The following IL1RAPL2 variants were observed in gnomAD, a reference collection of about 807,000 sequenced individuals.
IL1RAPL2 encodes interleukin 1 receptor accessory protein like 2.
Under a neutral mutation model 44.1 loss-of-function variants are expected in IL1RAPL2, and 3 were observed. That is an observed-to-expected ratio of 0.07 (90% confidence interval 0.03 to 0.18). The LOEUF (loss-of-function observed/expected upper bound fraction) is 0.18. IL1RAPL2 is among the 10% of genes least tolerant of loss of function. The probability of loss-of-function intolerance (pLI) is 1.00; values close to 1 mark genes in which losing one functional copy is unlikely to be tolerated. For missense variants in IL1RAPL2, 391 were observed against 496.4 expected (o/e 0.79, Z 2.02); for synonymous variants, 181 against 178.8 (o/e 1.01, Z -0.10).
At chrX:105,541,604 T>G (rs1470320296) in intron 6 of IL1RAPL2, among the ~76,000 whole-genome samples, 1 of 110,816 alleles carries the variant, frequency 9.0e-6, no homozygotes, top group African/African-American at 3.3e-5. Flanking sequence ...TAAGAGATTA[T>G]CAAATCCTCC....
chrX:104,859,299 G>A (rs1402986602), intron 2 of IL1RAPL2, among the ~76,000 whole-genome samples: 1 of 111,430 alleles, frequency 9.0e-6, no homozygotes, highest in Non-Finnish European at 1.9e-5. Flanking sequence ...TGCTGAAAGG[G>A]ACATAAAACA....
At chrX:105,070,249 G>C (rs1226807114) in intron 2 of IL1RAPL2, among the ~76,000 whole-genome samples, 1 of 111,638 alleles carries the variant, frequency 9.0e-6, no homozygotes, top group East Asian at 2.8e-4. Context: ...AATCCCTTAA[G>C]TGAAGATATT....
At chrX:104,736,318 T>A (rs1470677398) in intron 2 of IL1RAPL2, among the ~76,000 whole-genome samples, 4 of 112,242 alleles carry the variant, frequency 3.6e-5, no homozygotes, top group Non-Finnish European at 7.5e-5. Flanking sequence ...AAGGCAGTGC[T>A]CATATCTCAT....
chrX:104,647,417 C>G, intron 1 of IL1RAPL2: 1 of 590,487 alleles, frequency 1.7e-6, no homozygotes, highest in Non-Finnish European at 2.9e-6. Flanking sequence ...AAATCTGGCC[C>G]TCTCTGCTTC....
intron 5 of IL1RAPL2, among the ~76,000 whole-genome samples, chrX:105,346,938 A>G (rs920375553): frequency 8.9e-6 from 1 of 112,237 alleles, no homozygotes; most frequent in Non-Finnish European, 1.9e-5. Context: ...GATATAACAC[A>G]TAGATTGTCC....
chrX:105,326,944 A>G (rs1309010622), intron 5 of IL1RAPL2, among the ~76,000 whole-genome samples: 1 of 111,780 alleles, frequency 8.9e-6, no homozygotes, highest in African/African-American at 3.3e-5. Context: ...TCTGTGTGAG[A>G]AAAAATGGAA....
intron 2 of IL1RAPL2, among the ~76,000 whole-genome samples, chrX:105,042,149 T>C (rs1487744784): frequency 9.0e-6 from 1 of 111,050 alleles, no homozygotes; most frequent in Non-Finnish European, 1.9e-5. Flanking sequence ...GGCAATACCA[T>C]TCAGGACATA....
intron 2 of IL1RAPL2, among the ~76,000 whole-genome samples, chrX:105,188,393 A>G (rs146599037): frequency 0.013 from 1,464 of 111,533 alleles, 28 homozygotes; most frequent in African/African-American, 0.046. Context: ...TGTCTTGGCT[A>G]GTGTCTAATT....
chrX:105,537,055 A>AT (rs768568406), intron 6 of IL1RAPL2, among the ~76,000 whole-genome samples: 3 of 110,975 alleles, frequency 2.7e-5, no homozygotes, highest in East Asian at 5.7e-4. Context: ...CTTATGGTAG[A>AT]TTTTTTTTGC....
intron 3 of IL1RAPL2, among the ~76,000 whole-genome samples, chrX:105,208,979 A>G (rs2033786704): frequency 8.9e-6 from 1 of 112,031 alleles, no homozygotes. Flanking sequence ...CCCTCAGATC[A>G]GTAGGGTCCA....
intron 2 of IL1RAPL2, among the ~76,000 whole-genome samples, chrX:105,043,566 GA>G (rs34802100): frequency 0.13 from 8,378 of 65,184 alleles, 320 homozygotes; most frequent in Non-Finnish European, 0.16. Context: ...TCTCAAAGCA[GA>G]AAAAAAAAAA....
intron 5 of IL1RAPL2, among the ~76,000 whole-genome samples, chrX:105,417,134 T>C (rs899616310): frequency 1.8e-5 from 2 of 112,585 alleles, no homozygotes; most frequent in Non-Finnish European, 3.8e-5. Flanking sequence ...AATCGTGAGA[T>C]ACTGCCTCTT....
intron 5 of IL1RAPL2, among the ~76,000 whole-genome samples, chrX:105,389,751 T>C (rs774633854): frequency 9.0e-6 from 1 of 111,533 alleles, no homozygotes; most frequent in African/African-American, 3.3e-5. Flanking sequence ...AGGGTGCTTA[T>C]ATAATTTATT....
In IL1RAPL2 at chrX:105,193,912, A is replaced by G. The variant is rs1179859420; in HGVS notation, c.83-1563A>G. 8.0e-5 allele frequency among the ~76,000 whole-genome samples: 9 copies of G among 111,947 alleles called. No individual in the cohort carries two copies. In the Admixed American group the frequency reaches 8.6e-4, roughly 11 times the overall value. On this transcript the variant is annotated intron_variant, in intron 2 of 10. Coordinates refer to ENST00000372582, the MANE Select transcript of IL1RAPL2 (RefSeq NM_017416.2). ...CACATACTATAAGAGGAGTTGAGGC[A>G]GTGTGTAATAACAGCCCACGTGCAG... is the stretch of plus-strand genomic sequence containing the variant.
chrX:105,265,323 C>T (rs897479813), intron 4 of IL1RAPL2, among the ~76,000 whole-genome samples: 5 of 112,025 alleles, frequency 4.5e-5, no homozygotes, highest in Non-Finnish European at 9.4e-5. Flanking sequence ...AAATCTGAGG[C>T]TATCAGAGTT....
At chrX:105,161,808 G>A (rs2033327363) in intron 2 of IL1RAPL2, among the ~76,000 whole-genome samples, 1 of 111,792 alleles carries the variant, frequency 8.9e-6, no homozygotes, top group Non-Finnish European at 1.9e-5. Context: ...ATAAATTAGA[G>A]TTAATTATAA....
chrX:104,779,799 G>T (rs1932760636), intron 2 of IL1RAPL2, among the ~76,000 whole-genome samples: 1 of 111,201 alleles, frequency 9.0e-6, no homozygotes, highest in South Asian at 3.8e-4. Context: ...TTAATGAGTG[G>T]TGAGTTAAAA....
intron 5 of IL1RAPL2, among the ~76,000 whole-genome samples, chrX:105,284,663 G>A (rs953211004): frequency 2.7e-5 from 3 of 111,620 alleles, no homozygotes; most frequent in Non-Finnish European, 5.6e-5. Flanking sequence ...ATGCAATGAC[G>A]ACTTCTCAAA....
intron 2 of IL1RAPL2, among the ~76,000 whole-genome samples, chrX:105,113,110 T>C (rs1025704897): frequency 8.9e-6 from 1 of 112,336 alleles, no homozygotes; most frequent in Non-Finnish European, 1.9e-5. Flanking sequence ...TGTAATTATA[T>C]AGGGGAGGAT....
Sources: gnomAD v4.1 joint callset for allele counts (sites outside exome capture counted in the v4.1 genomes callset) on GRCh38, gnomAD v4.1.1 for gene constraint, MANE v1.5 for transcripts, NCBI Gene and HGNC (gene_info 2026-07-23, HGNC 2026-07-21) for gene names.